The following DSCAM variants were observed in gnomAD, a reference collection of about 807,000 sequenced individuals.
DSCAM encodes DS cell adhesion molecule.
DSCAM carries 47 observed loss-of-function variants against 217.7 expected under a neutral mutation model. That is an observed-to-expected ratio of 0.22 (90% confidence interval 0.17 to 0.28). The LOEUF is 0.28. Ranked by LOEUF, DSCAM falls within the 10% of genes least tolerant of loss-of-function variation. DSCAM has a pLI of 1.00. For synonymous variants in DSCAM, 1,056 were observed against 1,015.3 expected (o/e 1.04, Z -0.76); for missense variants, 2,080 against 2,618.3 (o/e 0.79, Z 4.49).
At chr21:40,090,437 T>C (rs1446673439) in intron 21 of DSCAM, among the ~76,000 whole-genome samples, 1 of 152,166 alleles carries the variant, frequency 6.6e-6, no homozygotes, top group Non-Finnish European at 1.5e-5. Flanking sequence ...CATTTCTGCA[T>C]GCCCCTCCAC....
rs1298937167 is a variant in DSCAM at position 40,620,174 on chromosome 21, AAG to A, written c.508+72634_508+72635del. The stretch of plus-strand genomic sequence containing the variant: ...AGAAAAAGAAAGAAAGAGAGAGAGA[AAG>A]AGAGAGAAAAAAGAAAAAGAAAGAA... On this transcript the variant is annotated intron_variant, in intron 3 of 32. Transcript: ENST00000400454. Among the ~76,000 whole-genome samples, 25 of 119,158 alleles carry A rather than the reference AAG, an allele frequency of 2.1e-4. 1 individual carries two copies. The highest frequency in any genetic ancestry group is 8.8e-4 in the South Asian group (3 of 3,392). 78.2% of individuals were successfully genotyped at this position (119,158 alleles called of 152,430 possible).
chr21:40,087,788 A>C (rs1179257286), intron 21 of DSCAM, among the ~76,000 whole-genome samples: 1 of 152,236 alleles, frequency 6.6e-6, no homozygotes, highest in Non-Finnish European at 1.5e-5. Context: ...CACATTAAGG[A>C]GAATGAACAT....
chr21:40,800,715 C>CTT (rs34391500), intron 1 of DSCAM, among the ~76,000 whole-genome samples: 11,221 of 130,986 alleles, frequency 0.086, 570 homozygotes, highest in African/African-American at 0.14. Context: ...TTCTTACTTT[C>CTT]TTTTTTTTTT....
intron 11 of DSCAM, among the ~76,000 whole-genome samples, chr21:40,222,169 T>A (rs1294364564): frequency 6.6e-6 from 1 of 152,218 alleles, no homozygotes; most frequent in Non-Finnish European, 1.5e-5. Flanking sequence ...CTTCACCACA[T>A]GCTTAACACA....
intron 3 of DSCAM, among the ~76,000 whole-genome samples, chr21:40,447,756 A>G (rs1056864009): frequency 1.3e-5 from 2 of 152,216 alleles, no homozygotes; most frequent in Non-Finnish European, 2.9e-5. Flanking sequence ...GTGGTGAATG[A>G]CATTAATTTT....
intron 3 of DSCAM, among the ~76,000 whole-genome samples, chr21:40,678,397 C>T (rs2090364105): frequency 6.6e-6 from 1 of 152,208 alleles, no homozygotes; most frequent in Admixed American, 6.5e-5. Context: ...CCTGCACCGC[C>T]ATTCACTGCT....
At chr21:40,199,022 A>G (rs1354995177) in intron 11 of DSCAM, among the ~76,000 whole-genome samples, 5 of 152,120 alleles carry the variant, frequency 3.3e-5, no homozygotes, top group African/African-American at 1.2e-4. Context: ...GCAGGAGGGG[A>G]ATAAGAAGAG....
chr21:40,422,493 T>A (rs1641310908), intron 3 of DSCAM, among the ~76,000 whole-genome samples: 1 of 151,866 alleles, frequency 6.6e-6, no homozygotes, highest in Non-Finnish European at 1.5e-5. Flanking sequence ...TATACAAAAA[T>A]TAGCCGGTCA....
At chr21:40,127,386 A>T (rs2090105841) in intron 19 of DSCAM, among the ~76,000 whole-genome samples, 1 of 152,214 alleles carries the variant, frequency 6.6e-6, no homozygotes, top group African/African-American at 2.4e-5. Context: ...TTCTTGAAAC[A>T]TTCTTAGTGA....
At chr21:40,806,091 C>T (rs1293819365) in intron 1 of DSCAM, among the ~76,000 whole-genome samples, 1 of 152,182 alleles carries the variant, frequency 6.6e-6, no homozygotes, top group African/African-American at 2.4e-5. Context: ...TACACCTCAG[C>T]CCTGCTGGGC....
At chr21:40,526,471 C>T (rs2076401412) in intron 3 of DSCAM, among the ~76,000 whole-genome samples, 1 of 152,116 alleles carries the variant, frequency 6.6e-6, no homozygotes, top group African/African-American at 2.4e-5. Context: ...ACAGGTGCTG[C>T]AATGAGAATA....
intron 18 of DSCAM, among the ~76,000 whole-genome samples, chr21:40,138,863 G>A (rs1292565373): frequency 6.9e-6 from 1 of 144,250 alleles, no homozygotes; most frequent in Non-Finnish European, 1.5e-5. Flanking sequence ...TGTGGTGTGT[G>A]TGCATGTATA....
At chr21:40,371,826 G>T (rs961821962) in intron 3 of DSCAM, among the ~76,000 whole-genome samples, 19 of 152,088 alleles carry the variant, frequency 1.2e-4, no homozygotes, top group Admixed American at 2.0e-4. Flanking sequence ...TTATTGGAAC[G>T]CTAAGCATGT....
intron 20 of DSCAM, among the ~76,000 whole-genome samples, chr21:40,101,618 C>A (rs1424134703): frequency 6.6e-6 from 1 of 152,076 alleles, no homozygotes; most frequent in Non-Finnish European, 1.5e-5. Context: ...TCCTGCTCTA[C>A]CGATGTCATG....
intron 3 of DSCAM, among the ~76,000 whole-genome samples, chr21:40,399,773 G>T (rs1008626719): frequency 3.9e-5 from 6 of 152,186 alleles, no homozygotes; most frequent in Non-Finnish European, 8.8e-5. Context: ...TGACAAGTAT[G>T]CCTTAAGTGC....
intron 6 of DSCAM, among the ~76,000 whole-genome samples, chr21:40,345,149 C>A (rs2074544339): frequency 6.6e-6 from 1 of 152,148 alleles, no homozygotes; most frequent in African/African-American, 2.4e-5. Context: ...CTCTTTCAGT[C>A]CATATTTTCC....
chr21:40,763,868 G>T (rs1209790817), intron 1 of DSCAM, among the ~76,000 whole-genome samples: 5 of 152,180 alleles, frequency 3.3e-5, no homozygotes, highest in Admixed American at 6.5e-5. Flanking sequence ...TTAATAAATG[G>T]TGCTGGGAAA....
At chr21:40,464,802 G>A (rs1019326745) in intron 3 of DSCAM, among the ~76,000 whole-genome samples, 2 of 150,078 alleles carry the variant, frequency 1.3e-5, no homozygotes, top group Non-Finnish European at 3.0e-5. Context: ...GCACGGTGGT[G>A]CAATCTCAGC....
At chr21:40,337,115 G>A (rs1005243120) in intron 8 of DSCAM, among the ~76,000 whole-genome samples, 1 of 152,118 alleles carries the variant, frequency 6.6e-6, no homozygotes, top group Non-Finnish European at 1.5e-5. Context: ...CCATGTGTGT[G>A]TGTCTGTATG....
Sources: gnomAD v4.1 joint callset for allele counts (sites outside exome capture counted in the v4.1 genomes callset) on GRCh38, gnomAD v4.1.1 for gene constraint, MANE v1.5 for transcripts, NCBI Gene and HGNC (gene_info 2026-07-23, HGNC 2026-07-21) for gene names.